APBB1IP: variants seen among roughly 807,000 people sequenced by gnomAD.
APBB1IP encodes the protein amyloid beta A4 precursor protein-binding family B member 1-interacting protein.
APBB1IP carries 27 observed loss-of-function variants against 64.9 expected under a neutral mutation model. That is an observed-to-expected ratio of 0.42 (90% CI 0.31 to 0.57). The LOEUF (loss-of-function observed/expected upper bound fraction) is 0.57. Ranked by LOEUF, APBB1IP falls within the 20% of genes least tolerant of loss-of-function variation. The pLI, the probability that APBB1IP is intolerant of heterozygous loss-of-function variation, is 0.20. For missense variants in APBB1IP, 812 were observed against 845.5 expected (o/e 0.96, Z 0.49); for synonymous variants, 392 against 331.0 (o/e 1.18, Z -2.00).
At chr10:26,472,569 T>TTTCATTCATTCATTCATTCA (rs57015999) in intron 2 of APBB1IP, among the ~76,000 whole-genome samples, 2 of 149,536 alleles carry the variant, frequency 1.3e-5, no homozygotes, top group Non-Finnish European at 3.0e-5. Context: ...ATCGTGTTTG[T>TTTCATTCATTCATTCATTCA]TTCATTCATT....
intron 6 of APBB1IP, among the ~76,000 whole-genome samples, chr10:26,507,655 T>C (rs2132442699): frequency 6.6e-6 from 1 of 152,324 alleles, no homozygotes; most frequent in South Asian, 2.1e-4. Flanking sequence ...TGCTGAGTCA[T>C]TGACTTTACC....
At chr10:26,467,571 T>C (rs1835663665) in intron 2 of APBB1IP, among the ~76,000 whole-genome samples, 2 of 152,182 alleles carry the variant, frequency 1.3e-5, no homozygotes, top group African/African-American at 4.8e-5. Flanking sequence ...TGCACACCTA[T>C]AGTCCCAGTT....
At chr10:26,509,476 A>G (rs2132444080) in intron 6 of APBB1IP, 1 of 152,290 alleles carries the variant, frequency 6.6e-6, no homozygotes, top group East Asian at 1.9e-4. Context: ...AACTCACCCA[A>G]ATGGTTACCA....
chr10:26,497,787 C>T (rs1313672334), intron 4 of APBB1IP, among the ~76,000 whole-genome samples: 2 of 130,248 alleles, frequency 1.5e-5, no homozygotes, highest in Non-Finnish European at 3.1e-5. Flanking sequence ...AGTGCAGTGG[C>T]GGGATCTCTG....
intron 2 of APBB1IP, among the ~76,000 whole-genome samples, chr10:26,483,880 T>C (rs1016432472): frequency 6.6e-6 from 1 of 152,160 alleles, no homozygotes; most frequent in Non-Finnish European, 1.5e-5. Context: ...GACTGGCTAA[T>C]TTTTTTATTT....
chr10:26,549,512 G>A (rs1387850807), intron 11 of APBB1IP, among the ~76,000 whole-genome samples: 2 of 151,986 alleles, frequency 1.3e-5, no homozygotes, highest in African/African-American at 4.8e-5. Context: ...GGTCTTTTTA[G>A]GTTTTCTGTT....
chr10:26,548,262 G>A (rs1245744429), intron 11 of APBB1IP, among the ~76,000 whole-genome samples: 3 of 152,008 alleles, frequency 2.0e-5, no homozygotes, highest in Non-Finnish European at 4.4e-5. Context: ...ATGTATACAT[G>A]TGCCATGTTG....
At chr10:26,553,588 T>C (rs895621600) in intron 11 of APBB1IP, among the ~76,000 whole-genome samples, 4 of 152,086 alleles carry the variant, frequency 2.6e-5, no homozygotes, top group African/African-American at 9.7e-5. Context: ...AGCCCAGGCG[T>C]TGGAAGTTGC....
At chr10:26,518,254 AT>A (rs60123054) in intron 8 of APBB1IP, among the ~76,000 whole-genome samples, 31,489 of 139,142 alleles carry the variant, frequency 0.23, 3,636 homozygotes, top group African/African-American at 0.33. Context: ...CGCCCAGCCT[AT>A]TTTTTTTTTT....
chr10:26,547,158 C>A (rs558097533), intron 11 of APBB1IP, among the ~76,000 whole-genome samples: 1 of 152,146 alleles, frequency 6.6e-6, no homozygotes, highest in African/African-American at 2.4e-5. Context: ...TGATGTTAAG[C>A]ATTTTTTAAA....
intron 6 of APBB1IP, among the ~76,000 whole-genome samples, chr10:26,506,454 C>T (rs1836180630): frequency 6.6e-6 from 1 of 152,140 alleles, no homozygotes; most frequent in Admixed American, 6.5e-5. Flanking sequence ...GGCTATGTTG[C>T]CCAGGCTGGT....
In APBB1IP at chr10:26,536,220, CAG is replaced by C; in HGVS notation, c.1044+5_1044+6del. On this transcript the variant is annotated splice_donor_5th_base_variant and intron_variant, in intron 10 of 14. Coordinates refer to ENST00000376236, the MANE Select transcript of APBB1IP (RefSeq NM_019043.4). ...ATGTACCCAAAGGAAAGACTAAGGT[CAG>C]AAAAAAAAAAAAAAAAGCACTTAGC... 20 of 1,160,164 alleles carry C rather than the reference CAG, an allele frequency of 1.7e-5. No individual in the cohort carries two copies. The highest frequency in any genetic ancestry group is 6.7e-5 in the South Asian group (3 of 44,538). The allele number at this position is 1,160,164 out of a possible 1,614,324, so 71.9% of individuals were successfully genotyped here.
At chr10:26,560,280 C>G in intron 12 of APBB1IP, 77 bp downstream of exon 12, 1 of 1,348,992 alleles carries the variant, frequency 7.4e-7, no homozygotes, top group South Asian at 1.2e-5. Context: ...CTTCCTGGTA[C>G]TGTGAAACAG....
chr10:26,441,559 G>T (rs7099764), intron 2 of APBB1IP, among the ~76,000 whole-genome samples: 58,941 of 151,816 alleles, frequency 0.39, 11,620 homozygotes, highest in South Asian at 0.49. Context: ...ACTCCAAAGA[G>T]GCTGGCTAAA....
intron 8 of APBB1IP, among the ~76,000 whole-genome samples, chr10:26,520,117 G>A (rs1051110326): frequency 6.6e-6 from 1 of 152,174 alleles, no homozygotes; most frequent in African/African-American, 2.4e-5. Flanking sequence ...GTCAAGACCA[G>A]CCTGGGCAAC....
At chr10:26,479,693 G>C (rs943875) in intron 2 of APBB1IP, among the ~76,000 whole-genome samples, 125,122 of 152,230 alleles carry the variant, frequency 0.82, 52,085 homozygotes, top group African/African-American at 0.95. Flanking sequence ...ATGTATTTTT[G>C]CTACGCTTTT....
At chr10:26,489,036 G>A (rs926118717) in intron 2 of APBB1IP, among the ~76,000 whole-genome samples, 3 of 152,178 alleles carry the variant, frequency 2.0e-5, no homozygotes, top group Non-Finnish European at 4.4e-5. Context: ...CCCTCTCAAT[G>A]CCTCCTGGCC....
intron 8 of APBB1IP, among the ~76,000 whole-genome samples, chr10:26,518,338 C>T (rs950558338): frequency 2.6e-4 from 40 of 151,890 alleles, no homozygotes; most frequent in African/African-American, 9.7e-4. Context: ...ACCTCCACCT[C>T]CCTGGCTCAA....
intron 14 of APBB1IP, among the ~76,000 whole-genome samples, chr10:26,565,853 C>T (rs1837036199): frequency 6.6e-6 from 1 of 152,176 alleles, no homozygotes; most frequent in South Asian, 2.1e-4. Context: ...CCAGAGACTG[C>T]AGACATCTGG....
Sources: allele counts gnomAD v4.1 joint callset (sites outside exome capture counted in the v4.1 genomes callset), GRCh38; gene constraint gnomAD v4.1.1; transcripts MANE v1.5; gene names NCBI Gene and HGNC (gene_info 2026-07-23, HGNC 2026-07-21).